The following VKORC1L1 variants were observed in gnomAD, a reference collection of about 807,000 sequenced individuals.
The protein encoded by VKORC1L1 is vitamin K epoxide reductase complex subunit 1-like protein 1.
A neutral mutation model predicts 18.9 loss-of-function variants in VKORC1L1; 2 were observed. The ratio of observed to expected loss-of-function variants is 0.11; its 90% CI spans 0.04 to 0.33. The LOEUF (loss-of-function observed/expected upper bound fraction) is 0.33, where lower values mean the gene tolerates loss of function less well. Ranked by LOEUF, VKORC1L1 falls within the 10% of genes least tolerant of loss-of-function variation. VKORC1L1 has a pLI of 1.00. For missense variants in VKORC1L1, 123 were observed against 224.1 expected, an observed-to-expected ratio of 0.55 and a Z score of 2.88; for synonymous variants, 96 against 100.0, an observed-to-expected ratio of 0.96 and a Z score of 0.24.
At chr7:65,908,183 C>G (rs552991763) in intron 1 of VKORC1L1, among the ~76,000 whole-genome samples, 2 of 152,036 alleles carry the variant, frequency 1.3e-5, no homozygotes, top group Admixed American at 1.3e-4. Context: ...AAGGCCGAGG[C>G]GGGCAGATCA....
intron 1 of VKORC1L1, among the ~76,000 whole-genome samples, chr7:65,918,058 GATACT>G (rs879495514): frequency 1.3e-5 from 2 of 152,172 alleles, no homozygotes; most frequent in Non-Finnish European, 2.9e-5. Context: ...GATGAGCTTT[GATACT>G]TTGCTACTAC....
Position 65,895,516 on chromosome 7 carries a change from T to TAC in VKORC1L1, c.194+21973_194+21974dup, listed in dbSNP as rs1554395162. ...ATATATATATATATATATATATATATACACACACACACACACACACACATA... is the reference window on the plus strand; with the variant it reads ...ATATATATATATATATATATATATATACACACACACACACACACACACACATA... On this transcript the variant is annotated intron_variant, in intron 1 of 2. Transcript: ENST00000360768. Among the ~76,000 whole-genome samples the TAC allele has an allele frequency of 7.2e-3, 514 of 71,320 alleles. 10 individuals are homozygous for TAC. The highest frequency in any genetic ancestry group is 8.7e-3 in the Non-Finnish European group (326 of 37,406). The allele number at this position is 71,320 out of a possible 152,430, so 46.8% of individuals were successfully genotyped here.
rs142363529 is a variant in VKORC1L1 at position 65,954,133 on chromosome 7, G to T, written c.364G>T (p.Val122Leu). 2 of 1,610,456 alleles carry T rather than the reference G, an allele frequency of 1.2e-6. No homozygotes were observed. Among genetic ancestry groups the T allele is most frequent in the Admixed American group, 3.3e-5 (2 of 59,962 alleles). Residue 122 changes from valine to leucine, a missense_variant, in exon 3 of 3, where the codon GTG (valine) becomes TTG (leucine). Val to Leu is a conservative substitution (Grantham distance 32). Transcript: ENST00000360768. ...CATGACGTCCTCCATCATGTCGGTC[G>T]TGGGGTCCCTGTACCTGGCCTACAT... ...ILMTSSIMSV[V>L]GSLYLAYILY...
rs1215004568 is a variant in VKORC1L1 at position 65,955,233 on chromosome 7, A to G, written c.*933A>G. 6.6e-6 allele frequency: 1 copy of G among 152,222 alleles called. No homozygotes were observed. The highest frequency in any genetic ancestry group is 2.4e-5 in the African/African-American group (1 of 41,466). 9.4% of individuals were successfully genotyped at this position (152,222 alleles called of 1,614,324 possible). A position where few individuals can be genotyped will look rare whatever the true frequency, so the allele number is the denominator to read the frequency against. On this transcript the variant is annotated 3_prime_UTR_variant, in exon 3 of 3. Coordinates refer to ENST00000360768, the MANE Select transcript of VKORC1L1 (RefSeq NM_173517.6). ...AGTTTCTTCCACTAGTTGAATTTTC[A>G]TGCAGATATTTTTCCTTAACGTTGG... is the stretch of plus-strand genomic sequence containing the variant.
chr7:65,876,446 A>G (rs1788828413), intron 1 of VKORC1L1, among the ~76,000 whole-genome samples: 1 of 151,882 alleles, frequency 6.6e-6, no homozygotes, highest in African/African-American at 2.4e-5. Flanking sequence ...AGGTTGCAGT[A>G]AGCCAAGATC....
At chr7:65,889,563 A>G (rs1487707033) in intron 1 of VKORC1L1, among the ~76,000 whole-genome samples, 1 of 152,226 alleles carries the variant, frequency 6.6e-6, no homozygotes, top group Non-Finnish European at 1.5e-5. Flanking sequence ...TGAGCGGTGC[A>G]TCTTTTTGTT....
intron 1 of VKORC1L1, among the ~76,000 whole-genome samples, chr7:65,878,340 G>A (rs773131248): frequency 7.2e-5 from 11 of 152,012 alleles, no homozygotes; most frequent in East Asian, 1.9e-4. Flanking sequence ...CCAGCTACTC[G>A]GGAGGCTGAG....
At chr7:65,908,938 C>T (rs1439739792) in intron 1 of VKORC1L1, among the ~76,000 whole-genome samples, 1 of 150,946 alleles carries the variant, frequency 6.6e-6, no homozygotes, top group Non-Finnish European at 1.5e-5. Flanking sequence ...AATACAAGCT[C>T]ATGTAATTTA....
chr7:65,919,368 C>T (rs943469974), intron 1 of VKORC1L1, among the ~76,000 whole-genome samples: 1 of 152,180 alleles, frequency 6.6e-6, no homozygotes, highest in African/African-American at 2.4e-5. Context: ...TTCATATATC[C>T]ATTTGCCTCT....
rs34906605 is a variant in VKORC1L1 at position 65,883,136 on chromosome 7, CTTTTTTT to C, written c.194+9587_194+9593del. Among the ~76,000 whole-genome samples the C allele has an allele frequency of 1.3e-4, 14 of 109,588 alleles. No individual in the cohort carries two copies. In the South Asian group the frequency reaches 3.9e-3, roughly 30 times the overall value. The allele number at this position is 109,588 out of a possible 152,430, so 71.9% of individuals were successfully genotyped here. A position where few individuals can be genotyped will look rare whatever the true frequency, so the allele number is the denominator to read the frequency against. On this transcript the variant is annotated intron_variant, in intron 1 of 2. Coordinates refer to ENST00000360768, the MANE Select transcript of VKORC1L1 (RefSeq NM_173517.6). ...TCATTATACATGTTATACATTTGAG[CTTTTTTT>C]TTTTTTTTTTTTTTTGGAGATGGAG...
chr7:65,939,677 G>A (rs1000798324), intron 1 of VKORC1L1, among the ~76,000 whole-genome samples: 35 of 152,264 alleles, frequency 2.3e-4, no homozygotes, highest in African/African-American at 6.7e-4. Flanking sequence ...CATTTCTGCC[G>A]GAAACAAGGC....
intron 1 of VKORC1L1, among the ~76,000 whole-genome samples, chr7:65,884,118 G>A (rs1788974215): frequency 6.6e-6 from 1 of 152,160 alleles, no homozygotes; most frequent in Non-Finnish European, 1.5e-5. Flanking sequence ...GGACTCTAGA[G>A]TCAACCTGAG....
chr7:65,936,150 T>C (rs1475912520), intron 1 of VKORC1L1, among the ~76,000 whole-genome samples: 1 of 152,038 alleles, frequency 6.6e-6, no homozygotes, highest in African/African-American at 2.4e-5. Flanking sequence ...TTTTTTTTAA[T>C]GGTTACTTTT....
chr7:65,907,303 G>A (rs1789422428), intron 1 of VKORC1L1, among the ~76,000 whole-genome samples: 1 of 152,028 alleles, frequency 6.6e-6, no homozygotes, highest in South Asian at 2.1e-4. Context: ...TAGGCATGGT[G>A]GCGTGTGCCT....
chr7:65,952,330 C>T lies in VKORC1L1; in HGVS notation c.305-1744C>T, dbSNP rs569610068. 5.9e-5 allele frequency among the ~76,000 whole-genome samples: 9 copies of T among 152,294 alleles called. No individual in the cohort carries two copies. The South Asian group carries it at 8.3e-4, about 14-fold the overall frequency. ...AGTATGAAAGCAGTCACAGACATTA[C>T]GTAATGAATGACATTACATAAATGA... On this transcript the variant is annotated intron_variant, in intron 2 of 2. Coordinates refer to ENST00000360768, the MANE Select transcript of VKORC1L1 (RefSeq NM_173517.6).
intron 1 of VKORC1L1, among the ~76,000 whole-genome samples, chr7:65,913,747 G>A (rs1789541635): frequency 1.0e-5 from 1 of 98,326 alleles, no homozygotes; most frequent in South Asian, 4.2e-4. Context: ...AAAAAAGGGA[G>A]GGGGGTGGGG....
chr7:65,928,254 CTTTTTTTTTTTT>C (rs760146385), intron 1 of VKORC1L1, among the ~76,000 whole-genome samples: 1 of 106,226 alleles, frequency 9.4e-6, no homozygotes, highest in African/African-American at 3.5e-5. Context: ...TTTTTTCCTT[CTTTTTTTTTTTT>C]TTTTTTTTCA....
chr7:65,936,080 C>A (rs1789937689), intron 1 of VKORC1L1, among the ~76,000 whole-genome samples: 1 of 151,538 alleles, frequency 6.6e-6, no homozygotes, highest in Admixed American at 6.6e-5. Context: ...CTGCTATTGA[C>A]CTCATCTAGT....
intron 1 of VKORC1L1, among the ~76,000 whole-genome samples, chr7:65,890,724 G>A (rs1055823894): frequency 3.9e-5 from 6 of 152,206 alleles, no homozygotes; most frequent in Non-Finnish European, 7.3e-5. Context: ...CAATGTGTGA[G>A]AATTCCTGTT....
Sources: allele counts gnomAD v4.1 joint callset (sites outside exome capture counted in the v4.1 genomes callset), GRCh38; gene constraint gnomAD v4.1.1; transcripts MANE v1.5; gene names NCBI Gene and HGNC (gene_info 2026-07-23, HGNC 2026-07-21).